The following NBEAL2 variants were observed in gnomAD, a reference collection of about 807,000 sequenced individuals.
NBEAL2 encodes the protein neurobeachin like 2.
In NBEAL2, 160 loss-of-function variants were observed where a neutral mutation model predicts 299.8. The ratio of observed to expected loss-of-function variants is 0.53; its 90% confidence interval spans 0.47 to 0.61. The LOEUF (loss-of-function observed/expected upper bound fraction) is 0.61. Ranked by LOEUF, NBEAL2 falls within the 20% of genes least tolerant of loss-of-function variation. The probability of loss-of-function intolerance (pLI) is 0.00; values close to 1 mark genes in which losing one functional copy is unlikely to be tolerated. For synonymous variants in NBEAL2, 1,493 were observed against 1,542.3 expected, an observed-to-expected ratio of 0.97 and a Z score of 0.75; for missense variants, 3,112 against 3,649.0, an observed-to-expected ratio of 0.85 and a Z score of 3.79.
In NBEAL2 at chr3:47,007,902, C is replaced by T; in HGVS notation, c.7594C>T (p.Leu2532=). 1.2e-6 allele frequency: 2 copies of T among 1,612,514 alleles called. No individual in the cohort carries two copies. The highest frequency in any genetic ancestry group is 1.7e-6 in the Non-Finnish European group (2 of 1,179,450). The stretch of plus-strand genomic sequence containing the variant: ...CACCACGTGCATGGTGTGGCGGCTC[C>T]TGCATCAGGTGTGCCTCGTGGGCAG... ...RDTTCMVWRL[L]HQGGLSVGLA... The change falls in exon 49 of 54, where the codon CTG becomes TTG. Residue 2532 remains leucine (L), a synonymous_variant. Coordinates refer to ENST00000450053, the MANE Select transcript of NBEAL2 (RefSeq NM_015175.3).
Position 47,004,833 on chromosome 3 carries a change from C to A in NBEAL2, c.6295-139C>A. 1 of 1,297,738 alleles carries A rather than the reference C, an allele frequency of 7.7e-7. No homozygotes were observed. The highest frequency in any genetic ancestry group is 1.4e-5 in the South Asian group (1 of 71,252). The allele number at this position is 1,297,738 out of a possible 1,614,324, so 80.4% of individuals were successfully genotyped here. A position where few individuals can be genotyped will look rare whatever the true frequency, so the allele number is the denominator to read the frequency against. On this transcript the variant is annotated intron_variant, in intron 38 of 53. Coordinates refer to ENST00000450053, the MANE Select transcript of NBEAL2 (RefSeq NM_015175.3). The surrounding 1 kb of genome is among the most constrained non-coding windows in gnomAD (Gnocchi z 5.0). ...CTGTTCCAGGACACTCTGTCCTTCT[C>A]CCCTGTGACCCCTCTAAGTGGTGCT...
At position 47,007,834 on chromosome 3, in the gene NBEAL2, C is replaced by T; in HGVS notation, c.7526C>T (p.Ala2509Val). 1 of 1,613,534 alleles carries T rather than the reference C, an allele frequency of 6.2e-7. No individual in the cohort carries two copies. Among genetic ancestry groups the T allele is most frequent in the Non-Finnish European group, 8.5e-7 (1 of 1,179,752 alleles). Residue 2509 changes from alanine to valine, a missense_variant, in exon 49 of 54, where the codon GCA becomes GTA. By Grantham distance (64) the Ala-to-Val change is moderately conservative. This residue lies in a region of NBEAL2 where 348 missense variants were observed against 381.4 expected (regional missense o/e 0.91). Coordinates refer to ENST00000450053, the MANE Select transcript of NBEAL2 (RefSeq NM_015175.3). ...SCHLDVVTCL[A>V]LDTCGIYLIS... ...CATGCAGATGTAGTAACCTGCCTTGCACTGGACACCTGTGGCATCTACCTC... is the reference window on the plus strand; with the variant it reads ...CATGCAGATGTAGTAACCTGCCTTGTACTGGACACCTGTGGCATCTACCTC...
rs2036895745 is a variant in NBEAL2 at position 47,000,492 on chromosome 3, G to A, written c.4305+88G>A. Reference sequence around the variant, plus strand: ...GGCTGGCAGTGTAGCCTCTCCAAAGGTGTGGCCCTGTCTGACCAGGGTTGC... The same window carrying A: ...GGCTGGCAGTGTAGCCTCTCCAAAGATGTGGCCCTGTCTGACCAGGGTTGC... On this transcript the variant is annotated intron_variant, in intron 27 of 53. Coordinates refer to ENST00000450053, the MANE Select transcript of NBEAL2 (RefSeq NM_015175.3). The surrounding 1 kb of genome is among the most constrained non-coding windows in gnomAD (Gnocchi z 4.5). 2 of 1,489,168 alleles carry A rather than the reference G, an allele frequency of 1.3e-6. No individual in the cohort carries two copies. Among genetic ancestry groups the A allele is most frequent in the African/African-American group, 1.4e-5 (1 of 71,088 alleles). The allele number at this position is 1,489,168 out of a possible 1,614,324, so 92.2% of individuals were successfully genotyped here. A position where few individuals can be genotyped will look rare whatever the true frequency, so the allele number is the denominator to read the frequency against.
At position 46,991,785 on chromosome 3, in the gene NBEAL2, G is replaced by GT; in HGVS notation, c.926-55_926-54insT. On this transcript the variant is annotated intron_variant, in intron 8 of 53. Transcript: ENST00000450053. This position sits in a 1 kb window ranked among gnomAD's most constrained non-coding sequence, Gnocchi z 6.2. ...TGGATAGGGCAGCATAGGAAGGAAG[G>GT]CTTAAGGCTGCCTAGAGGGGTCTGG... 6.4e-7 allele frequency: 1 copy of GT among 1,562,674 alleles called. No homozygotes were observed.
chr3:47,001,888 C>G lies in NBEAL2; in HGVS notation c.4783-32C>G, dbSNP rs2037027794. ...GAGATGTCGGGAGCTCCAAGAGTGG[C>G]TGGGTGCCACTCATCTCTCTTGCGC... is the stretch of plus-strand genomic sequence containing the variant. On this transcript the variant is annotated intron_variant, in intron 30 of 53. Transcript: ENST00000450053. The surrounding 1 kb of genome is among the most constrained non-coding windows in gnomAD (Gnocchi z 6.1). 6.2e-7 allele frequency: 1 copy of G among 1,606,700 alleles called. No individual in the cohort carries two copies. The highest frequency in any genetic ancestry group is 1.3e-5 in the African/African-American group (1 of 74,956).
Position 46,999,873 on chromosome 3 carries a change from G to T in NBEAL2, c.3790-16G>T. ...GCAGTTGGATGCGTCCTCACTTGCT[G>T]TGCTCTCGCCTGCAGCTTTTCCACC... On this transcript the variant is annotated splice_polypyrimidine_tract_variant and intron_variant, in intron 26 of 53. Coordinates refer to ENST00000450053, the MANE Select transcript of NBEAL2 (RefSeq NM_015175.3). The T allele has an allele frequency of 6.2e-7, 1 of 1,601,246 alleles. No individual in the cohort carries two copies. The highest frequency in any genetic ancestry group is 1.1e-5 in the South Asian group (1 of 90,560).
chr3:47,001,728 G>A lies in NBEAL2; in HGVS notation c.4684G>A (p.Ala1562Thr). ...ATGCAGCCTACTTGATCGCCTGGGA[G>A]CCTGGCCCCACCTGGCCAACGGCAC... is the stretch of plus-strand genomic sequence containing the variant. Reference protein sequence around the residue: ...GVCSLLDRLGAWPHLANGTAD... With the variant: ...GVCSLLDRLGTWPHLANGTAD... Residue 1562 changes from alanine to threonine, a missense_variant, in exon 30 of 54, where the codon GCC becomes ACC. By Grantham distance (58) the Ala-to-Thr change is moderately conservative. Transcript: ENST00000450053. This position sits in a 1 kb window ranked among gnomAD's most constrained non-coding sequence, Gnocchi z 6.1. The A allele has an allele frequency of 6.2e-7, 1 of 1,613,894 alleles. No individual in the cohort carries two copies. The highest frequency in any genetic ancestry group is 8.5e-7 in the Non-Finnish European group (1 of 1,179,896).
chr3:47,008,061 C>T lies in NBEAL2; in HGVS notation c.7603-9C>T, dbSNP rs758614165. The T allele has an allele frequency of 1.9e-6, 3 of 1,612,978 alleles. No homozygotes were observed. The highest frequency in any genetic ancestry group is 1.1e-5 in the South Asian group (1 of 90,992). ...GGGACAGTCCTAAGCCAACCCTGGTCCTCCACAGGGTGGTCTGTCAGTAGG... is the reference window on the plus strand; with the variant it reads ...GGGACAGTCCTAAGCCAACCCTGGTTCTCCACAGGGTGGTCTGTCAGTAGG... On this transcript the variant is annotated splice_polypyrimidine_tract_variant and intron_variant, in intron 49 of 53. Coordinates refer to ENST00000450053, the MANE Select transcript of NBEAL2 (RefSeq NM_015175.3).
chr3:47,005,492 T>C lies in NBEAL2; in HGVS notation c.6564T>C (p.Phe2188=). The part of the protein sequence containing the change: ...SLHVQLQSGR[F]DCSDRQFHSV... Reference sequence around the variant, plus strand: ...TGGCCCCGTGCCCCTCCCCCAGCTTTGACTGCTCCGACCGGCAGTTCCACT... The same window carrying C: ...TGGCCCCGTGCCCCTCCCCCAGCTTCGACTGCTCCGACCGGCAGTTCCACT... Residue 2188 remains phenylalanine, a synonymous_variant, in exon 41 of 54, where the codon TTT becomes TTC. Transcript: ENST00000450053. 1.9e-6 allele frequency: 3 copies of C among 1,611,526 alleles called. No individual in the cohort carries two copies. Among genetic ancestry groups the C allele is most frequent in the South Asian group, 1.1e-5 (1 of 90,510 alleles).
At position 46,999,984 on chromosome 3, in the gene NBEAL2, G is replaced by A; in HGVS notation, c.3885G>A (p.Glu1295=). The change falls in exon 27 of 54, where the codon GAG becomes GAA. Residue 1295 remains glutamate, a synonymous_variant. Transcript: ENST00000450053. ...QDVLTRLYVL[E]AATAGSPPPS... is the part of the protein sequence containing the mutation. ...TGCTGACCCGGCTATATGTCCTGGA[G>A]GCTGCCACAGCCGGCAGCCCCCCTC... 6.2e-7 allele frequency: 1 copy of A among 1,612,186 alleles called. No individual in the cohort carries two copies. The highest frequency in any genetic ancestry group is 8.5e-7 in the Non-Finnish European group (1 of 1,179,862).
At chr3:46,999,796 G>A (rs2036819802) in intron 26 of NBEAL2, 81 bp downstream of exon 26, 1 of 1,592,248 alleles carries the variant, frequency 6.3e-7, no homozygotes, top group South Asian at 1.1e-5. Flanking sequence ...TGTCTCATGA[G>A]GGGTCTCTGG....
chr3:47,002,117 C>T lies in NBEAL2; in HGVS notation c.4980C>T (p.Arg1660=). 6.4e-7 allele frequency: 1 copy of T among 1,550,538 alleles called. No homozygotes were observed. The highest frequency in any genetic ancestry group is 8.7e-7 in the Non-Finnish European group (1 of 1,147,072). Residue 1660 remains arginine (R), a synonymous_variant, in exon 31 of 54, where the codon CGC becomes CGT. Transcript: ENST00000450053. ...AAAAAAAAAE[R]CSWLVPLVRT... ...CAGCAGCTGCAGCAGCTGCAGAGCG[C>T]TGCTCCTGGCTGGTGCCACTGGTGC...
At chr3:46,992,864 CA>C (rs2107321203) in intron 10 of NBEAL2, among the ~76,000 whole-genome samples, 1 of 152,306 alleles carries the variant, frequency 6.6e-6, no homozygotes, top group East Asian at 1.9e-4. Context: ...CCCAGACACT[CA>C]AGGATTTGGC....
In NBEAL2 at chr3:47,009,471, A is replaced by AC. The variant is rs2037737798; in HGVS notation, c.*156dup. 1 of 754,574 alleles carries AC rather than the reference A, an allele frequency of 1.3e-6. No individual in the cohort carries two copies. 46.7% of individuals were successfully genotyped at this position (754,574 alleles called of 1,614,324 possible). ...AGCTCAGGGATTGGCGGGCGATGTT[A>AC]CCCCCTCAGGGATTGGCGGGCGGAA... On this transcript the variant is annotated 3_prime_UTR_variant, in exon 54 of 54. Transcript: ENST00000450053.
At position 47,003,455 on chromosome 3, in the gene NBEAL2, A is replaced by C; in HGVS notation, c.5720+146A>C. On this transcript the variant is annotated intron_variant, in intron 35 of 53. Transcript: ENST00000450053. This position sits in a 1 kb window ranked among gnomAD's most constrained non-coding sequence, Gnocchi z 7.0. The stretch of plus-strand genomic sequence containing the variant: ...CCCTGAAGGGACTGTCCAAAGCCAG[A>C]TGGTGAGTGGGAGAGTCTCCTAACA... The C allele has an allele frequency of 8.2e-7, 1 of 1,216,734 alleles. No homozygotes were observed. The highest frequency in any genetic ancestry group is 1.5e-5 in the African/African-American group (1 of 65,936). 75.4% of individuals were successfully genotyped at this position (1,216,734 alleles called of 1,614,324 possible).
Position 47,009,594 on chromosome 3 carries a change from G to C in NBEAL2, c.*274G>C. ...TGCACAGTCTGGGGCGGGGTTCCCC[G>C]GCTTCCAAGTCGCTGTTTCGTCAAA... On this transcript the variant is annotated 3_prime_UTR_variant, in exon 54 of 54. Transcript: ENST00000450053. 2.1e-6 allele frequency: 1 copy of C among 469,488 alleles called. No homozygotes were observed. Among genetic ancestry groups the C allele is most frequent in the Non-Finnish European group, 3.8e-6 (1 of 264,946 alleles). The allele number at this position is 469,488 out of a possible 1,614,324, so 29.1% of individuals were successfully genotyped here. A position where few individuals can be genotyped will look rare whatever the true frequency, so the allele number is the denominator to read the frequency against.
rs768332948 is a variant in NBEAL2 at position 47,002,492 on chromosome 3, A to G, written c.5273A>G (p.Glu1758Gly). 6.2e-7 allele frequency: 1 copy of G among 1,612,906 alleles called. No homozygotes were observed. The highest frequency in any genetic ancestry group is 1.1e-5 in the South Asian group (1 of 91,084). ...AGCAGTGGGCAGCGGCGCCAGTGGG[A>G]GCGCGCCCAGAGTCGTCGGGCCTTC... ...LMSSGQRRQW[E>G]RAQSRRAFQE... The change falls in exon 32 of 54, where the codon GAG becomes GGG. Residue 1758 changes from glutamate to glycine, a missense_variant. Physicochemically the swap from Glu to Gly is moderately conservative, Grantham distance 98. Coordinates refer to ENST00000450053, the MANE Select transcript of NBEAL2 (RefSeq NM_015175.3).
chr3:46,991,430 G>A lies in NBEAL2; in HGVS notation c.667G>A (p.Asp223Asn), dbSNP rs755106060. The change falls in exon 8 of 54, where the codon GAT (aspartate) becomes AAT (asparagine). Residue 223 changes from aspartate to asparagine, a missense_variant. Physicochemically the swap from Asp to Asn is conservative, Grantham distance 23. Transcript: ENST00000450053. The surrounding 1 kb of genome is among the most constrained non-coding windows in gnomAD (Gnocchi z 6.2). ...GGAGAACGGGCAGATGGCTGTAAGT[G>A]ATGGCTCTGTGAAGGGCCTGCTGAG... ...GKENGQMAVS[D>N]GSVKGLLSVV... is the part of the protein sequence containing the mutation. 1 of 1,608,340 alleles carries A rather than the reference G, an allele frequency of 6.2e-7. No homozygotes were observed. Among genetic ancestry groups the A allele is most frequent in the South Asian group, 1.1e-5 (1 of 90,672 alleles).
rs1216100003 is a variant in NBEAL2 at position 47,001,164 on chromosome 3, A to G, written c.4469A>G (p.Asp1490Gly). The G allele has an allele frequency of 6.2e-7, 1 of 1,612,502 alleles. No individual in the cohort carries two copies. Among genetic ancestry groups the G allele is most frequent in the South Asian group, 1.1e-5 (1 of 91,048 alleles). ...TCAGCCACACTTGTGCGCCCACCAGACTGCATCAAGCGCAGGTGAGAGGGA... is the reference window on the plus strand; with the variant it reads ...TCAGCCACACTTGTGCGCCCACCAGGCTGCATCAAGCGCAGGTGAGAGGGA... ...GASATLVRPP[D>G]CIKRSLLEMM... The change falls in exon 28 of 54, where the codon GAC (aspartate) becomes GGC (glycine). Residue 1490 changes from aspartate (D) to glycine (G), a missense_variant. Coordinates refer to ENST00000450053, the MANE Select transcript of NBEAL2 (RefSeq NM_015175.3). This position sits in a 1 kb window ranked among gnomAD's most constrained non-coding sequence, Gnocchi z 6.1.
Sources: gnomAD v4.1 joint callset for allele counts (sites outside exome capture counted in the v4.1 genomes callset) on GRCh38, gnomAD v4.1.1 for gene constraint, gnomAD v4.1.1 regional missense constraint, Gnocchi (gnomAD v3.1) non-coding constraint, MANE v1.5 for transcripts, NCBI Gene and HGNC (gene_info 2026-07-23, HGNC 2026-07-21) for gene names.